The following SECTM1 variants were observed in gnomAD, a reference collection of about 807,000 sequenced individuals.
The protein encoded by SECTM1 is secreted and transmembrane protein 1.
In SECTM1, 10 loss-of-function variants were observed where a neutral mutation model predicts 18.1. That is an observed-to-expected ratio of 0.55 (90% CI 0.34 to 0.94). The LOEUF (loss-of-function observed/expected upper bound fraction) is 0.94. Ranked by LOEUF, SECTM1 falls within the 40% of genes least tolerant of loss-of-function variation. The pLI is 0.02. For synonymous variants in SECTM1, 137 were observed against 139.2 expected (o/e 0.98, Z 0.11); for missense variants, 297 against 322.6 (o/e 0.92, Z 0.61).
intron 4 of SECTM1, 61 bp from the exon 5 acceptor site, chr17:82,322,431 C>A: frequency 1.3e-6 from 2 of 1,518,190 alleles, no homozygotes; most frequent in Non-Finnish European, 1.8e-6. Flanking sequence ...ACAGCTCTGC[C>A]CTGGGGCGTG....
At position 82,327,200 on chromosome 17, in the gene SECTM1, T is replaced by C. The variant is rs73999868; in HGVS notation, c.41A>G (p.Gln14Arg). ...CPLAFPGHVS[Q>R]ALGTLLFLAA... ...CAAAAACAGGAGGGTCCCAAGGGCCTGGGAAACGTGGCCAGGGAATGCCAG... is the reference window on the plus strand; with the variant it reads ...CAAAAACAGGAGGGTCCCAAGGGCCCGGGAAACGTGGCCAGGGAATGCCAG... The change falls in exon 2 of 5, where the codon CAG (glutamine) becomes CGG (arginine). Residue 14 changes from glutamine to arginine, a missense_variant. Coordinates refer to ENST00000269389, the MANE Select transcript of SECTM1 (RefSeq NM_003004.3). The C allele has an allele frequency of 0.046, 74,559 of 1,611,302 alleles. 2,053 individuals carry two copies. Among genetic ancestry groups the C allele is most frequent in the African/African-American group, 0.11 (8,018 of 74,880 alleles).
intron 2 of SECTM1, 70 bp downstream of exon 2, chr17:82,327,077 C>T: frequency 8.1e-7 from 1 of 1,232,570 alleles, no homozygotes; most frequent in Non-Finnish European, 1.2e-6. Context: ...TCAGTCCACC[C>T]CTCCTGCCCC....
intron 1 of SECTM1, among the ~76,000 whole-genome samples, chr17:82,332,830 T>G (rs1475699691): frequency 8.5e-5 from 13 of 152,156 alleles, no homozygotes; most frequent in Admixed American, 8.5e-4. Flanking sequence ...AGCAGCCCCG[T>G]GGAGAGGCCC....
At chr17:82,323,255 A>G in intron 3 of SECTM1, 1 of 521,830 alleles carries the variant, frequency 1.9e-6, no homozygotes, top group South Asian at 2.3e-5. Context: ...GGAAACATCT[A>G]CCCCTGGATG....
chr17:82,323,969 A>G (rs1478739395), intron 3 of SECTM1, among the ~76,000 whole-genome samples: 1 of 147,436 alleles, frequency 6.8e-6, no homozygotes, highest in Non-Finnish European at 1.5e-5. Context: ...GGTGGACAAC[A>G]TGGGAGTGGG....
Position 82,322,266 on chromosome 17 carries a change from G to T in SECTM1, c.642C>A (p.Ser214=). 1 of 1,609,892 alleles carries T rather than the reference G, an allele frequency of 6.2e-7. No homozygotes were observed. Among genetic ancestry groups the T allele is most frequent in the East Asian group, 2.2e-5 (1 of 44,778 alleles). ...RASAELWTPD[S]EPTPRPLALV... ...GTGCCAGCGGCCTTGGGGTGGGCTC[G>T]GAGTCTGGGGTCCACAGTTCAGCGG... is the stretch of plus-strand genomic sequence containing the variant. The change falls in exon 5 of 5, where the codon TCC becomes TCA. Residue 214 remains serine (S), a synonymous_variant. Transcript: ENST00000269389.
At chr17:82,332,602 A>G (rs532358915) in intron 1 of SECTM1, among the ~76,000 whole-genome samples, 3 of 152,116 alleles carry the variant, frequency 2.0e-5, no homozygotes, top group Non-Finnish European at 4.4e-5. Context: ...AACACCTCTC[A>G]GAAGACAGCT....
In SECTM1 at chr17:82,330,143, G is replaced by C. The variant is rs1020571267; in HGVS notation, c.-52-2851C>G. Among the ~76,000 whole-genome samples the C allele has an allele frequency of 1.3e-5, 2 of 152,198 alleles. No individual in the cohort carries two copies. The highest frequency in any genetic ancestry group is 4.8e-5 in the African/African-American group (2 of 41,444). On this transcript the variant is annotated intron_variant, in intron 1 of 4. Transcript: ENST00000269389. The surrounding 1 kb of genome is among the most constrained non-coding windows in gnomAD (Gnocchi z 6.1). ...CCTCACCCCACGCTCCACGATGCCA[G>C]CTCAGCCACCCACCTTGGAACCGTG...
rs574409666 is a variant in SECTM1 at position 82,322,762 on chromosome 17, C to T, written c.537+116G>A. On this transcript the variant is annotated intron_variant, in intron 4 of 4. Transcript: ENST00000269389. ...GGACTGGCTCTCTGGGACCGGTGCT[C>T]CCCCCACCCTCTCCTGGAGCCCCAG... 7.7e-5 allele frequency: 99 copies of T among 1,294,092 alleles called. No homozygotes were observed. The Admixed American group carries it at 2.0e-3, about 26-fold the overall frequency. 80.2% of individuals were successfully genotyped at this position (1,294,092 alleles called of 1,614,324 possible). A position where few individuals can be genotyped will look rare whatever the true frequency, so the allele number is the denominator to read the frequency against.
At chr17:82,323,331 C>A (rs2052114586) in intron 3 of SECTM1, 1 of 333,146 alleles carries the variant, frequency 3.0e-6, no homozygotes, top group African/African-American at 2.1e-5. Context: ...GGAAGAGATG[C>A]AAGGGCAGGG....
chr17:82,330,994 C>T lies in SECTM1; in HGVS notation c.-53+2706G>A, dbSNP rs1599657057. Among the ~76,000 whole-genome samples the T allele has an allele frequency of 1.3e-5, 2 of 152,230 alleles. No homozygotes were observed. The highest frequency in any genetic ancestry group is 2.4e-5 in the African/African-American group (1 of 41,462). On this transcript the variant is annotated intron_variant, in intron 1 of 4. Coordinates refer to ENST00000269389, the MANE Select transcript of SECTM1 (RefSeq NM_003004.3). This position sits in a 1 kb window ranked among gnomAD's most constrained non-coding sequence, Gnocchi z 6.1. ...TCTCACACGCGGGTCCTCTCACTGC[C>T]TCTCCCCGGTCCTCCCTTCCTCCCA... is the stretch of plus-strand genomic sequence containing the variant.
At chr17:82,333,299 G>T (rs2052206982) in intron 1 of SECTM1, among the ~76,000 whole-genome samples, 1 of 152,206 alleles carries the variant, frequency 6.6e-6, no homozygotes, top group Non-Finnish European at 1.5e-5. Context: ...CCGACCCATC[G>T]GACTTAGGGG....
In SECTM1 at chr17:82,322,188, G is replaced by A. The variant is rs373090791; in HGVS notation, c.720C>T (p.Pro240=). The part of the protein sequence containing the change: ...LGALELLSPQ[P]LFPYAADP ...ATGGGTCTGCGGCATATGGAAACAAGGGTTGGGGGGACAGCAGCTCCAGGG... is the reference window on the plus strand; with the variant it reads ...ATGGGTCTGCGGCATATGGAAACAAAGGTTGGGGGGACAGCAGCTCCAGGG... The change falls in exon 5 of 5, where the codon CCC becomes CCT. Residue 240 remains proline, a synonymous_variant. Transcript: ENST00000269389. The A allele has an allele frequency of 3.1e-6, 5 of 1,613,640 alleles. No individual in the cohort carries two copies. The African/African-American group carries it at 6.7e-5, about 22-fold the overall frequency.
chr17:82,322,521 C>T, intron 4 of SECTM1, 151 bp from the exon 5 acceptor site: 1 of 816,174 alleles, frequency 1.2e-6, no homozygotes. Flanking sequence ...GGTTCTGAAA[C>T]TGCTGGAGGT....
chr17:82,321,524 G>T lies in SECTM1; in HGVS notation c.*637C>A. 1.3e-5 allele frequency: 2 copies of T among 153,228 alleles called. No homozygotes were observed. The highest frequency in any genetic ancestry group is 3.7e-4 in the South Asian group (2 of 5,380). The allele number at this position is 153,228 out of a possible 1,614,324, so 9.5% of individuals were successfully genotyped here. ...GCGACCCCCGGGTGGCCGAGGGACT[G>T]AGGGATGCGCGTCCAGCCCCGGAGG... On this transcript the variant is annotated 3_prime_UTR_variant, in exon 5 of 5. Transcript: ENST00000269389.
At chr17:82,322,719 C>T (rs577567531) in intron 4 of SECTM1, among the ~76,000 whole-genome samples, 159 bp downstream of exon 4, 5 of 152,128 alleles carry the variant, frequency 3.3e-5, no homozygotes, top group South Asian at 2.1e-4. Context: ...TGACCATAGC[C>T]GGCTGGGCCC....
In SECTM1 at chr17:82,328,857, A is replaced by G. The variant is rs1004975777; in HGVS notation, c.-52-1565T>C. ...TGCACCCCTGCTAGGAAAAGTCCCT[A>G]GGTAGGGCGGCAACTCCAGCCCTGC... is the stretch of plus-strand genomic sequence containing the variant. On this transcript the variant is annotated intron_variant, in intron 1 of 4. Transcript: ENST00000269389. This position sits in a 1 kb window ranked among gnomAD's most constrained non-coding sequence, Gnocchi z 5.8. Among the ~76,000 whole-genome samples the G allele has an allele frequency of 7.2e-5, 11 of 152,150 alleles. No homozygotes were observed. The highest frequency in any genetic ancestry group is 2.4e-4 in the African/African-American group (10 of 41,432).
intron 4 of SECTM1, among the ~76,000 whole-genome samples, chr17:82,322,617 C>T (rs2036195941): frequency 6.6e-6 from 1 of 152,086 alleles, no homozygotes; most frequent in African/African-American, 2.4e-5. Flanking sequence ...ACCACGCACC[C>T]TGCCATGCTG....
chr17:82,324,808 G>T lies in SECTM1; in HGVS notation c.177C>A (p.Asn59Lys), dbSNP rs576613921. The change falls in exon 3 of 5, where the codon AAC becomes AAA. Residue 59 changes from asparagine to lysine, a missense_variant. Coordinates refer to ENST00000269389, the MANE Select transcript of SECTM1 (RefSeq NM_003004.3). ...ENTVMSCNISNAFSHVNIKLR... is the reference protein window; with the variant it reads ...ENTVMSCNISKAFSHVNIKLR... ...GCTTGATGTTGACATGGGAGAAGGC[G>T]TTGGAGATGTTGCAGGACATGACGG... 2 of 1,614,106 alleles carry T rather than the reference G, an allele frequency of 1.2e-6. No individual in the cohort carries two copies.
Sources: gnomAD v4.1 joint callset for allele counts (sites outside exome capture counted in the v4.1 genomes callset) on GRCh38, gnomAD v4.1.1 for gene constraint, Gnocchi (gnomAD v3.1) non-coding constraint, MANE v1.5 for transcripts, NCBI Gene and HGNC (gene_info 2026-07-23, HGNC 2026-07-21) for gene names.